DLGAP2: variants seen among roughly 807,000 people sequenced by gnomAD.
DLGAP2 encodes disks large-associated protein 2.
A neutral mutation model predicts 100.3 loss-of-function variants in DLGAP2; 26 were observed. The observed-to-expected ratio is 0.26, with a 90% CI of 0.19 to 0.36. The LOEUF (loss-of-function observed/expected upper bound fraction) is 0.36, where lower values mean the gene tolerates loss of function less well. Among genes scored for constraint, DLGAP2 ranks in the 10% least tolerant of loss-of-function variants. The pLI, the probability that DLGAP2 is intolerant of heterozygous loss-of-function variation, is 1.00. For missense variants in DLGAP2, 1,858 were observed against 1,453.2 expected, an observed-to-expected ratio of 1.28 and a Z score of -4.53; for synonymous variants, 886 against 630.1, an observed-to-expected ratio of 1.41 and a Z score of -6.08.
intron 6 of DLGAP2, among the ~76,000 whole-genome samples, chr8:1,571,192 G>T (rs1353774610): frequency 1.6e-5 from 2 of 124,968 alleles, no homozygotes; most frequent in African/African-American, 3.2e-5. Context: ...GGGGGCATCT[G>T]ATGAGATGGA....
chr8:790,332 A>G (rs1211667595), intron 1 of DLGAP2, among the ~76,000 whole-genome samples: 1 of 152,150 alleles, frequency 6.6e-6, no homozygotes, highest in African/African-American at 2.4e-5. Context: ...GCTGTAAGAG[A>G]TGCTTGGAGA....
intron 6 of DLGAP2, among the ~76,000 whole-genome samples, chr8:1,609,270 A>T (rs1181168390): frequency 7.0e-6 from 1 of 142,754 alleles, no homozygotes; most frequent in African/African-American, 2.5e-5. Flanking sequence ...TCAACCCAGA[A>T]TTTCATATCC....
intron 4 of DLGAP2, among the ~76,000 whole-genome samples, chr8:1,530,431 T>TG (rs1275802137): frequency 6.6e-6 from 1 of 152,222 alleles, no homozygotes; most frequent in Non-Finnish European, 1.5e-5. Context: ...TATCCTGTTC[T>TG]TTTTTCAGGG....
chr8:1,102,635 T>G (rs1282028307), intron 2 of DLGAP2, among the ~76,000 whole-genome samples: 1 of 152,214 alleles, frequency 6.6e-6, no homozygotes, highest in Non-Finnish European at 1.5e-5. Context: ...ATCTCCCCAC[T>G]GGGCCTGTCA....
intron 3 of DLGAP2, among the ~76,000 whole-genome samples, chr8:1,288,233 A>T (rs1482041119): frequency 1.3e-3 from 130 of 100,166 alleles, no homozygotes; most frequent in African/African-American, 4.9e-3. Flanking sequence ...GAGGGGAACT[A>T]GTTTCGTTTC....
At chr8:1,067,799 AC>A (rs965879395) in intron 2 of DLGAP2, among the ~76,000 whole-genome samples, 1 of 151,766 alleles carries the variant, frequency 6.6e-6, no homozygotes, top group Non-Finnish European at 1.5e-5. Context: ...GACCAACACG[AC>A]ACGTCATCCT....
intron 2 of DLGAP2, among the ~76,000 whole-genome samples, chr8:989,190 G>C (rs1048646804): frequency 6.6e-6 from 1 of 152,112 alleles, no homozygotes; most frequent in Non-Finnish European, 1.5e-5. Flanking sequence ...CACTTGGGGG[G>C]CTCTCCCGCA....
At chr8:1,107,850 C>A (rs904333206) in intron 2 of DLGAP2, among the ~76,000 whole-genome samples, 4 of 152,180 alleles carry the variant, frequency 2.6e-5, no homozygotes, top group Non-Finnish European at 5.9e-5. Context: ...GACACCGAAC[C>A]ACCCTAAGCT....
At chr8:1,467,183 G>T (rs1475087827) in intron 3 of DLGAP2, among the ~76,000 whole-genome samples, 2 of 152,038 alleles carry the variant, frequency 1.3e-5, no homozygotes, top group Non-Finnish European at 2.9e-5. Flanking sequence ...TCCAGCAGGG[G>T]CCCAGGAGGT....
At chr8:1,495,135 G>C (rs1181642941) in intron 3 of DLGAP2, among the ~76,000 whole-genome samples, 1 of 152,178 alleles carries the variant, frequency 6.6e-6, no homozygotes, top group Non-Finnish European at 1.5e-5. Flanking sequence ...GATCAGACGG[G>C]GGCCAGCGTC....
intron 7 of DLGAP2, among the ~76,000 whole-genome samples, chr8:1,628,194 C>A (rs1342010338): frequency 8.4e-6 from 1 of 118,854 alleles, no homozygotes; most frequent in South Asian, 3.1e-4. Flanking sequence ...TACTGTGGAG[C>A]AGGAATTAAG....
At chr8:1,024,190 C>T (rs1801717010) in intron 2 of DLGAP2, among the ~76,000 whole-genome samples, 1 of 113,540 alleles carries the variant, frequency 8.8e-6, no homozygotes, top group Non-Finnish European at 2.1e-5. Flanking sequence ...GTGGACAGTT[C>T]CGTGCCGAGG....
At chr8:1,317,791 T>A (rs1315205617) in intron 3 of DLGAP2, among the ~76,000 whole-genome samples, 2 of 74,724 alleles carry the variant, frequency 2.7e-5, no homozygotes, top group East Asian at 4.0e-4. Flanking sequence ...CACTCGTCAG[T>A]GTTAAAAAAT....
intron 3 of DLGAP2, among the ~76,000 whole-genome samples, chr8:1,471,837 TC>T (rs1217805259): frequency 6.6e-6 from 1 of 152,066 alleles, no homozygotes; most frequent in African/African-American, 2.4e-5. Flanking sequence ...CTCCAAGTCT[TC>T]TTTTCTTCCA....
chr8:835,294 C>T (rs1017222067), intron 1 of DLGAP2, among the ~76,000 whole-genome samples: 2 of 151,874 alleles, frequency 1.3e-5, no homozygotes, highest in African/African-American at 4.8e-5. Flanking sequence ...TTACCCACTT[C>T]TATTCAAATA....
At chr8:1,271,700 G>T (rs1799587302) in intron 3 of DLGAP2, among the ~76,000 whole-genome samples, 1 of 152,214 alleles carries the variant, frequency 6.6e-6, no homozygotes, top group Non-Finnish European at 1.5e-5. Flanking sequence ...TGTCTGCCAG[G>T]GCTCAGGGGG....
intron 2 of DLGAP2, among the ~76,000 whole-genome samples, chr8:1,131,068 A>T (rs1796283278): frequency 6.6e-6 from 1 of 152,190 alleles, no homozygotes; most frequent in South Asian, 2.1e-4. Context: ...ATTTTGAGAA[A>T]AAACATGTTT....
intron 2 of DLGAP2, among the ~76,000 whole-genome samples, chr8:1,022,836 C>G (rs1162855562): frequency 6.6e-6 from 1 of 152,180 alleles, no homozygotes; most frequent in Non-Finnish European, 1.5e-5. Context: ...GGTTCCGTGC[C>G]GAGGTAGACA....
intron 8 of DLGAP2, among the ~76,000 whole-genome samples, chr8:1,640,703 G>A (rs1030985512): frequency 7.2e-5 from 11 of 152,108 alleles, no homozygotes; most frequent in African/African-American, 2.4e-4. Context: ...ACCCCATTAC[G>A]GGCCTGAGCA....
Sources: allele counts gnomAD v4.1 joint callset (sites outside exome capture counted in the v4.1 genomes callset), GRCh38; gene constraint gnomAD v4.1.1; transcripts MANE v1.5; gene names NCBI Gene and HGNC (gene_info 2026-07-23, HGNC 2026-07-21).